MLIP: variants seen among roughly 807,000 people sequenced by gnomAD.
MLIP encodes muscular LMNA-interacting protein.
Under a neutral mutation model 84.8 loss-of-function variants are expected in MLIP, and 79 were observed. The observed-to-expected ratio is 0.93, with a 90% CI of 0.78 to 1.12. MLIP has a LOEUF of 1.12. Among genes scored for constraint, MLIP ranks in the 50% most tolerant of loss-of-function variants. The probability of loss-of-function intolerance (pLI) is 0.00; values close to 1 mark genes in which losing one functional copy is unlikely to be tolerated. For synonymous variants in MLIP, 504 were observed against 463.0 expected, an observed-to-expected ratio of 1.09 and a Z score of -1.14; for missense variants, 1,257 against 1,160.6, an observed-to-expected ratio of 1.08 and a Z score of -1.21.
At chr6:54,112,745 A>G (rs1460185042) in intron 1 of MLIP, among the ~76,000 whole-genome samples, 1 of 152,230 alleles carries the variant, frequency 6.6e-6, no homozygotes, top group Non-Finnish European at 1.5e-5. Flanking sequence ...TATAACAATA[A>G]ATTAGAAAGA....
intron 11 of MLIP, among the ~76,000 whole-genome samples, chr6:54,223,443 A>G (rs1030550333): frequency 6.6e-6 from 1 of 152,090 alleles, no homozygotes; most frequent in Non-Finnish European, 1.5e-5. Context: ...GTGTGAAATA[A>G]GGATCCAGTT....
At chr6:54,070,886 T>C (rs1023327582) in intron 1 of MLIP, among the ~76,000 whole-genome samples, 3 of 152,220 alleles carry the variant, frequency 2.0e-5, no homozygotes, top group Non-Finnish European at 4.4e-5. Context: ...ATGTCACAGA[T>C]AGTGCCTAAT....
chr6:54,032,228 T>G (rs2150284871), intron 1 of MLIP: 1 of 152,214 alleles, frequency 6.6e-6, no homozygotes, highest in African/African-American at 2.4e-5. Context: ...ATAAAAATGG[T>G]TTTTAGTATC....
At chr6:54,094,739 C>T (rs1044742596) in intron 1 of MLIP, among the ~76,000 whole-genome samples, 2 of 152,058 alleles carry the variant, frequency 1.3e-5, no homozygotes, top group Non-Finnish European at 2.9e-5. Context: ...TGCCACCCAC[C>T]GACCCCAAAT....
chr6:54,265,188 C>T (rs1364599571), intron 13 of MLIP, among the ~76,000 whole-genome samples: 2 of 152,116 alleles, frequency 1.3e-5, no homozygotes, highest in Non-Finnish European at 2.9e-5. Flanking sequence ...TATTCCGTCA[C>T]ATTGTTCTAT....
intron 13 of MLIP, among the ~76,000 whole-genome samples, chr6:54,263,066 A>G (rs964629639): frequency 6.6e-6 from 1 of 152,062 alleles, no homozygotes; most frequent in African/African-American, 2.4e-5. Flanking sequence ...TGGGTTTGAT[A>G]TTGTAGTGAG....
intron 3 of MLIP, among the ~76,000 whole-genome samples, chr6:54,127,680 T>C (rs1771037368): frequency 6.6e-6 from 1 of 152,124 alleles, no homozygotes; most frequent in Non-Finnish European, 1.5e-5. Flanking sequence ...CTACAGTGGT[T>C]AGCATATTAT....
chr6:54,105,743 G>A (rs534883123), intron 1 of MLIP, among the ~76,000 whole-genome samples: 1 of 152,246 alleles, frequency 6.6e-6, no homozygotes, highest in Admixed American at 6.5e-5. Context: ...TGATATTTGG[G>A]CAGAGACATG....
At chr6:54,217,175 C>T in intron 11 of MLIP, 1 of 985,334 alleles carries the variant, frequency 1.0e-6, no homozygotes, top group Non-Finnish European at 1.2e-6. Context: ...GTGTCTTGTA[C>T]TCAGACAGAA....
intron 12 of MLIP, among the ~76,000 whole-genome samples, chr6:54,236,874 T>C (rs1351924132): frequency 6.6e-6 from 1 of 152,138 alleles, no homozygotes; most frequent in Non-Finnish European, 1.5e-5. Flanking sequence ...TATGTGTCTT[T>C]AAACAGTAAA....
chr6:54,243,818 G>A (rs1374105742), intron 12 of MLIP, among the ~76,000 whole-genome samples: 1 of 152,162 alleles, frequency 6.6e-6, no homozygotes, highest in Non-Finnish European at 1.5e-5. Context: ...ATCAGGTCTA[G>A]AACTAATTGC....
chr6:54,140,566 G>A (rs552983601), intron 4 of MLIP, among the ~76,000 whole-genome samples: 62 of 152,174 alleles, frequency 4.1e-4, no homozygotes, highest in Non-Finnish European at 3.5e-4. Context: ...ATTTATAATA[G>A]CTTCTGCAAA....
chr6:54,183,663 T>G (rs1398163149), intron 9 of MLIP, among the ~76,000 whole-genome samples: 1 of 151,776 alleles, frequency 6.6e-6, no homozygotes, highest in African/African-American at 2.4e-5. Context: ...AATTTCTATA[T>G]CTACTCTTTA....
intron 1 of MLIP, among the ~76,000 whole-genome samples, chr6:54,096,911 C>T (rs981388119): frequency 1.3e-5 from 2 of 152,126 alleles, no homozygotes; most frequent in East Asian, 1.9e-4. Context: ...CTGAGCACTT[C>T]AAACATTAGA....
chr6:54,160,262 T>G, intron 5 of MLIP, 105 bp from the exon 6 acceptor site: 1 of 852,298 alleles, frequency 1.2e-6, no homozygotes, highest in Admixed American at 2.7e-5. Context: ...TGTAAATATT[T>G]TTTTCTTGGA....
chr6:54,092,123 A>G (rs774929479), intron 1 of MLIP, among the ~76,000 whole-genome samples: 10 of 152,162 alleles, frequency 6.6e-5, no homozygotes, highest in Non-Finnish European at 1.3e-4. Flanking sequence ...AATATCAGAA[A>G]GTGAATGCTT....
At chr6:54,047,832 T>A (rs1260525228) in intron 1 of MLIP, among the ~76,000 whole-genome samples, 4 of 152,246 alleles carry the variant, frequency 2.6e-5, no homozygotes, top group Non-Finnish European at 1.5e-5. Flanking sequence ...GCAATGGCCA[T>A]GAGGCAGAGA....
In MLIP at chr6:54,266,098, G is replaced by C; in HGVS notation, c.*143G>C. 2 of 757,496 alleles carry C rather than the reference G, an allele frequency of 2.6e-6. No homozygotes were observed. The highest frequency in any genetic ancestry group is 4.4e-6 in the Non-Finnish European group (2 of 454,718). 46.9% of individuals were successfully genotyped at this position (757,496 alleles called of 1,614,324 possible). On this transcript the variant is annotated 3_prime_UTR_variant, in exon 14 of 14. Coordinates refer to ENST00000502396, the MANE Select transcript of MLIP (RefSeq NM_001281747.2). ...GCAGTGCAGCAGAACCAAAAAAAAAGTTTGCTGCAATTATATAGCATCACA... is the reference window on the plus strand; with the variant it reads ...GCAGTGCAGCAGAACCAAAAAAAAACTTTGCTGCAATTATATAGCATCACA...
intron 1 of MLIP, among the ~76,000 whole-genome samples, chr6:54,053,463 A>T (rs1765484608): frequency 6.6e-6 from 1 of 152,172 alleles, no homozygotes; most frequent in Non-Finnish European, 1.5e-5. Flanking sequence ...ATAAAGTTTA[A>T]ATTAATAGTC....
Sources: allele counts gnomAD v4.1 joint callset (sites outside exome capture counted in the v4.1 genomes callset), GRCh38; gene constraint gnomAD v4.1.1; transcripts MANE v1.5; gene names NCBI Gene and HGNC (gene_info 2026-07-23, HGNC 2026-07-21).